The following KITLG variants were observed in gnomAD, a reference collection of about 807,000 sequenced individuals.
KITLG encodes KIT ligand.
In KITLG, 13 loss-of-function variants were observed where a neutral mutation model predicts 34.1. The observed-to-expected ratio is 0.38, with a 90% CI of 0.25 to 0.61. KITLG has a LOEUF of 0.61. Ranked by LOEUF, KITLG falls within the 20% of genes least tolerant of loss-of-function variation. KITLG has a pLI of 0.60. For synonymous variants in KITLG, 110 were observed against 104.0 expected, an observed-to-expected ratio of 1.06 and a Z score of -0.35; for missense variants, 292 against 318.9, an observed-to-expected ratio of 0.92 and a Z score of 0.64.
At chr12:88,537,597 C>T (rs1171076792) in intron 2 of KITLG, among the ~76,000 whole-genome samples, 1 of 151,714 alleles carries the variant, frequency 6.6e-6, no homozygotes, top group Non-Finnish European at 1.5e-5. Context: ...AGTAATAAAC[C>T]TTCAAATGTA....
chr12:88,535,446 G>A (rs1870275208), intron 2 of KITLG, among the ~76,000 whole-genome samples: 1 of 152,078 alleles, frequency 6.6e-6, no homozygotes, highest in African/African-American at 2.4e-5. Flanking sequence ...TACAAATGAG[G>A]TCATGGAAAC....
chr12:88,502,314 A>G (rs534733788), intron 9 of KITLG, among the ~76,000 whole-genome samples: 2 of 152,276 alleles, frequency 1.3e-5, no homozygotes, highest in East Asian at 3.9e-4. Context: ...TTAATTTCTC[A>G]TGTGATTATA....
rs1265040043 is a variant in KITLG at position 88,497,146 on chromosome 12, G to C, written c.*73C>G. ...ACAGAATATGAATTTGTTTAAAGCT[G>C]CTTCATTTATGAAGCAAACATGAAC... On this transcript the variant is annotated 3_prime_UTR_variant, in exon 10 of 10. Coordinates refer to ENST00000644744, the MANE Select transcript of KITLG (RefSeq NM_000899.5). 1 of 448,676 alleles carries C rather than the reference G, an allele frequency of 2.2e-6. No individual in the cohort carries two copies. The highest frequency in any genetic ancestry group is 4.5e-6 in the Non-Finnish European group (1 of 223,240). 27.8% of individuals were successfully genotyped at this position (448,676 alleles called of 1,614,324 possible).
In KITLG at chr12:88,496,503, G is replaced by A. The variant is rs982331808; in HGVS notation, c.*716C>T. 1.3e-5 allele frequency: 2 copies of A among 152,154 alleles called. No homozygotes were observed. Among genetic ancestry groups the A allele is most frequent in the Non-Finnish European group, 2.9e-5 (2 of 68,020 alleles). The allele number at this position is 152,154 out of a possible 1,614,324, so 9.4% of individuals were successfully genotyped here. A position where few individuals can be genotyped will look rare whatever the true frequency, so the allele number is the denominator to read the frequency against. ...TTCTTCCTGCGATGACTCTTTTGGA[G>A]TCTCCCCTCTGCCAAGGCATAATTC... On this transcript the variant is annotated 3_prime_UTR_variant, in exon 10 of 10. Coordinates refer to ENST00000644744, the MANE Select transcript of KITLG (RefSeq NM_000899.5).
At chr12:88,532,338 A>G (rs1425394500) in intron 3 of KITLG, 103 bp downstream of exon 3, 1 of 881,222 alleles carries the variant, frequency 1.1e-6, no homozygotes, top group East Asian at 2.4e-5. Context: ...AATCCTGACA[A>G]TAAGCAAGCT....
chr12:88,505,105 A>G (rs1869007404), intron 9 of KITLG, 54 bp downstream of exon 9: 1 of 914,632 alleles, frequency 1.1e-6, no homozygotes. Context: ...TGTACCCTAG[A>G]ACTTAAAGTA....
At chr12:88,545,892 G>A (rs765326933) in intron 1 of KITLG, 27 bp from the exon 2 acceptor site, 2 of 1,321,264 alleles carry the variant, frequency 1.5e-6, no homozygotes, top group South Asian at 2.4e-5. Flanking sequence ...AAATTGCTTG[G>A]TGATCATCAG....
intron 1 of KITLG, among the ~76,000 whole-genome samples, chr12:88,566,406 T>TA (rs1380670351): frequency 6.6e-6 from 1 of 152,168 alleles, no homozygotes; most frequent in African/African-American, 2.4e-5. Context: ...GCTAGGTAAG[T>TA]AAAAAAATAA....
chr12:88,578,849 G>C (rs935622400), intron 1 of KITLG, among the ~76,000 whole-genome samples: 3 of 152,208 alleles, frequency 2.0e-5, no homozygotes, highest in African/African-American at 7.2e-5. Flanking sequence ...TTCGCAGAAA[G>C]CTTGTCTAAA....
At chr12:88,566,171 T>C (rs1057205961) in intron 1 of KITLG, among the ~76,000 whole-genome samples, 1 of 152,206 alleles carries the variant, frequency 6.6e-6, no homozygotes, top group East Asian at 1.9e-4. Flanking sequence ...GTTTGAACAA[T>C]GTATGTATGT....
At chr12:88,575,623 A>G (rs1592591778) in intron 1 of KITLG, among the ~76,000 whole-genome samples, 1 of 152,218 alleles carries the variant, frequency 6.6e-6, no homozygotes, top group African/African-American at 2.4e-5. Context: ...TGAAAGCAGC[A>G]TATATTATAA....
intron 1 of KITLG, among the ~76,000 whole-genome samples, chr12:88,547,034 C>T (rs371899302): frequency 5.3e-5 from 8 of 152,078 alleles, no homozygotes; most frequent in Non-Finnish European, 1.0e-4. Flanking sequence ...AAAAGATGAA[C>T]GTTCCAGGAA....
intron 1 of KITLG, among the ~76,000 whole-genome samples, chr12:88,566,279 G>A (rs1165792973): frequency 2.0e-5 from 3 of 152,172 alleles, no homozygotes; most frequent in East Asian, 1.9e-4. Context: ...ATGCTGACAG[G>A]TGGATGTTGT....
In KITLG at chr12:88,505,250, G is replaced by GA. The variant is rs764155170; in HGVS notation, c.783-16dup. On this transcript the variant is annotated splice_polypyrimidine_tract_variant and intron_variant, in intron 8 of 9. Coordinates refer to ENST00000644744, the MANE Select transcript of KITLG (RefSeq NM_000899.5). ...CTTGCAACATACTGAAAAACAATAA[G>GA]AAAAAATGCTTATTTGCTCTTGGTC... 32 of 1,601,276 alleles carry GA rather than the reference G, an allele frequency of 2.0e-5. No individual in the cohort carries two copies. The highest frequency in any genetic ancestry group is 5.4e-5 in the African/African-American group (4 of 74,640).
At chr12:88,549,947 T>C (rs949203452) in intron 1 of KITLG, among the ~76,000 whole-genome samples, 5 of 151,948 alleles carry the variant, frequency 3.3e-5, no homozygotes, top group East Asian at 3.9e-4. Flanking sequence ...TTAAGGAAAA[T>C]AGGGTCAAAC....
At chr12:88,535,322 T>C (rs1325952700) in intron 2 of KITLG, among the ~76,000 whole-genome samples, 1 of 152,208 alleles carries the variant, frequency 6.6e-6, no homozygotes. Context: ...TGATATTCAA[T>C]TTCTGGTGAG....
At chr12:88,579,771 C>T (rs1275409025) in intron 1 of KITLG, among the ~76,000 whole-genome samples, 1 of 151,932 alleles carries the variant, frequency 6.6e-6, no homozygotes, top group African/African-American at 2.4e-5. Context: ...GCTTCGCTCC[C>T]GCGGCTGCAC....
At chr12:88,537,227 T>C (rs1870354561) in intron 2 of KITLG, among the ~76,000 whole-genome samples, 1 of 152,140 alleles carries the variant, frequency 6.6e-6, no homozygotes, top group South Asian at 2.1e-4. Flanking sequence ...TCGACCTATG[T>C]GCCTATCAAC....
chr12:88,509,692 G>C (rs1219232157), intron 6 of KITLG, among the ~76,000 whole-genome samples: 1 of 152,162 alleles, frequency 6.6e-6, no homozygotes, highest in Non-Finnish European at 1.5e-5. Flanking sequence ...CTCCCATAGA[G>C]GTCAATGTTA....
Sources: gnomAD v4.1 joint callset for allele counts (sites outside exome capture counted in the v4.1 genomes callset) on GRCh38, gnomAD v4.1.1 for gene constraint, MANE v1.5 for transcripts, NCBI Gene and HGNC (gene_info 2026-07-23, HGNC 2026-07-21) for gene names.